PLPBP: variants seen among roughly 807,000 people sequenced by gnomAD.
PLPBP encodes the protein pyridoxal phosphate binding protein.
In PLPBP, 21 loss-of-function variants were observed where a neutral mutation model predicts 31.2. That is an observed-to-expected ratio of 0.67 (90% confidence interval 0.48 to 0.97). The LOEUF is 0.97. Among genes scored for constraint, PLPBP ranks in the 50% least tolerant of loss-of-function variants. The probability of loss-of-function intolerance (pLI) is 0.00; values close to 1 mark genes in which losing one functional copy is unlikely to be tolerated. For missense variants in PLPBP, 308 were observed against 354.4 expected (o/e 0.87, Z 1.05); for synonymous variants, 124 against 135.6 (o/e 0.91, Z 0.59).
intron 1 of PLPBP, among the ~76,000 whole-genome samples, chr8:37,763,672 C>T (rs1398798290): frequency 6.6e-6 from 1 of 152,174 alleles, no homozygotes; most frequent in Non-Finnish European, 1.5e-5. Context: ...CTCAGGGAAA[C>T]TCTCAGGCAG....
chr8:37,762,770 G>A lies in PLPBP; in HGVS notation c.99+12G>A, dbSNP rs367947107. The A allele has an allele frequency of 4.8e-5, 74 of 1,551,184 alleles. No individual in the cohort carries two copies. In the African/African-American group the frequency reaches 8.2e-4, roughly 17 times the overall value. On this transcript the variant is annotated intron_variant, in intron 1 of 7. Coordinates refer to ENST00000328195, the MANE Select transcript of PLPBP (RefSeq NM_007198.4). ...CGCGGCGGCCGCGGGTGAGGAAGGA[G>A]GCTGCGTGGGGACGGTGGGCGGCCG...
In PLPBP at chr8:37,764,452, G is replaced by T. The variant is rs182255696; in HGVS notation, c.100-1074G>T. Among the ~76,000 whole-genome samples, 115 of 152,294 alleles carry T rather than the reference G, an allele frequency of 7.6e-4. 5 individuals carry two copies. Among genetic ancestry groups the T allele is most frequent in the Admixed American group, 7.5e-3 (115 of 15,296 alleles). ...TTCTCCTGCCTTAGCTTCCCAAGTAGCTCGGATTACAGATGCCCACCACCA... is the reference window on the plus strand; with the variant it reads ...TTCTCCTGCCTTAGCTTCCCAAGTATCTCGGATTACAGATGCCCACCACCA... On this transcript the variant is annotated intron_variant, in intron 1 of 7. Transcript: ENST00000328195.
chr8:37,767,346 G>C (rs900739438), intron 4 of PLPBP, among the ~76,000 whole-genome samples: 2 of 152,102 alleles, frequency 1.3e-5, no homozygotes, highest in African/African-American at 4.8e-5. Context: ...TCTCTTACCT[G>C]TCCCACTTCT....
At chr8:37,765,811 C>A in intron 3 of PLPBP, 65 bp downstream of exon 3, 1 of 1,561,258 alleles carries the variant, frequency 6.4e-7, no homozygotes, top group South Asian at 1.2e-5. Flanking sequence ...AAAATTAGAC[C>A]CATCCTGGTG....
rs1327240038 is a variant in PLPBP, at chr8:37,779,600, ACAT to A, written c.*1500_*1502del. ...TTTGATTTTACAGGTAACTTTCAAA[ACAT>A]CATGATGCTGCCAAATGTACTTTTG... On this transcript the variant is annotated 3_prime_UTR_variant, in exon 8 of 8. Transcript: ENST00000328195. 2.0e-5 allele frequency: 3 copies of A among 152,680 alleles called. No individual in the cohort carries two copies. Among genetic ancestry groups the A allele is most frequent in the African/African-American group, 4.8e-5 (2 of 41,458 alleles). The allele number at this position is 152,680 out of a possible 1,614,324, so 9.5% of individuals were successfully genotyped here.
rs1383394512 is a variant in PLPBP at position 37,762,824 on chromosome 8, A to G, written c.99+66A>G. ...TGAGAAGAGGGACACCTGCGTGGGA[A>G]TGGGTCGTCACGGTGACGCAGAGGG... On this transcript the variant is annotated intron_variant, in intron 1 of 7. Coordinates refer to ENST00000328195, the MANE Select transcript of PLPBP (RefSeq NM_007198.4). The G allele has an allele frequency of 5.3e-6, 8 of 1,510,360 alleles. No individual in the cohort carries two copies. In the African/African-American group the frequency reaches 8.4e-5, roughly 16 times the overall value. 93.6% of individuals were successfully genotyped at this position (1,510,360 alleles called of 1,614,324 possible).
intron 7 of PLPBP, among the ~76,000 whole-genome samples, chr8:37,776,714 G>T (rs113673927): frequency 1.3e-5 from 2 of 152,068 alleles, no homozygotes; most frequent in Non-Finnish European, 2.9e-5. Context: ...ACGTAAGTGC[G>T]TGGGCATGGC....
chr8:37,775,248 C>T (rs548433720), intron 5 of PLPBP, 91 bp from the exon 6 acceptor site: 3 of 1,476,576 alleles, frequency 2.0e-6, no homozygotes, highest in Admixed American at 1.8e-5. Context: ...TTGGGGGTCA[C>T]CTCTTCTGTC....
chr8:37,767,046 C>CAA (rs377103424), intron 4 of PLPBP, among the ~76,000 whole-genome samples: 1,677 of 56,110 alleles, frequency 0.03, 5 homozygotes, highest in East Asian at 0.05. Context: ...GACTTCATCC[C>CAA]AAAAAAAAAA....
rs548417611 is a variant in PLPBP, at chr8:37,767,131, TC to T, written c.319+779del. 1.4e-4 allele frequency among the ~76,000 whole-genome samples: 22 copies of T among 152,178 alleles called. No homozygotes were observed. The East Asian group carries it at 4.0e-3, about 28-fold the overall frequency. ...GAGATCTTGAGTAACTGAACTTATT[TC>T]CCTTAAGGTATAAAAATTTAAATAA... On this transcript the variant is annotated intron_variant, in intron 4 of 7. Transcript: ENST00000328195.
chr8:37,774,758 G>T (rs1803858486), intron 5 of PLPBP, among the ~76,000 whole-genome samples: 1 of 152,188 alleles, frequency 6.6e-6, no homozygotes, highest in Non-Finnish European at 1.5e-5. Flanking sequence ...TTTAAAGACT[G>T]AAGTAAATGT....
chr8:37,763,984 G>A (rs1359238942), intron 1 of PLPBP, among the ~76,000 whole-genome samples: 1 of 151,446 alleles, frequency 6.6e-6, no homozygotes, highest in Non-Finnish European at 1.5e-5. Context: ...TTTGTATAGT[G>A]GTCGTGAGAG....
At position 37,762,732 on chromosome 8, in the gene PLPBP, C is replaced by G; in HGVS notation, c.73C>G (p.Gln25Glu). The change falls in exon 1 of 8, where the codon CAG (glutamine) becomes GAG (glutamate). Residue 25 changes from glutamine to glutamate, a missense_variant. Coordinates refer to ENST00000328195, the MANE Select transcript of PLPBP (RefSeq NM_007198.4). ...ATTGCGGGCGGTGAACGAGCGCGTG[C>G]AGCAGGCTGTGGCGCGGCGGCCGCG... ...CALRAVNERV[Q>E]QAVARRPRDL... is the part of the protein sequence containing the mutation. 6.3e-7 allele frequency: 1 copy of G among 1,584,346 alleles called. No homozygotes were observed. Among genetic ancestry groups the G allele is most frequent in the Non-Finnish European group, 8.5e-7 (1 of 1,170,706 alleles).
chr8:37,772,992 C>T (rs895187449), intron 5 of PLPBP, 103 bp downstream of exon 5: 21 of 1,460,522 alleles, frequency 1.4e-5, no homozygotes, highest in Non-Finnish European at 2.0e-5. Context: ...GTTATAGAAA[C>T]AAATCACAGG....
At chr8:37,773,537 CA>C (rs1803829325) in intron 5 of PLPBP, among the ~76,000 whole-genome samples, 1 of 149,580 alleles carries the variant, frequency 6.7e-6, no homozygotes, top group Non-Finnish European at 1.5e-5. Context: ...GGCACGATCT[CA>C]GCTCACTGCA....
chr8:37,768,465 CTTTTTTTTTTT>C (rs903134254), intron 4 of PLPBP, among the ~76,000 whole-genome samples: 10 of 76,830 alleles, frequency 1.3e-4, no homozygotes, highest in African/African-American at 4.2e-4. Context: ...TTTTGATTTT[CTTTTTTTTTTT>C]TTTTTTTTTT....
rs570960690 is a variant in PLPBP at position 37,775,329 on chromosome 8, T to C, written c.455-10T>C. Reference sequence around the variant, plus strand: ...TGCAGTATACCTGTTTTCTGTTTCTTTTCTTGAAGGTAAACATGGCCTTCC... The same window carrying C: ...TGCAGTATACCTGTTTTCTGTTTCTCTTCTTGAAGGTAAACATGGCCTTCC... On this transcript the variant is annotated splice_polypyrimidine_tract_variant and intron_variant, in intron 5 of 7. Transcript: ENST00000328195. 1.4e-4 allele frequency: 228 copies of C among 1,614,186 alleles called. 3 individuals are homozygous for C. The South Asian group carries it at 2.3e-3, about 16-fold the overall frequency.
Position 37,778,566 on chromosome 8 carries a change from A to C in PLPBP, c.*462A>C, listed in dbSNP as rs1387009726. 6.5e-6 allele frequency: 1 copy of C among 153,392 alleles called. No homozygotes were observed. The highest frequency in any genetic ancestry group is 1.5e-5 in the Non-Finnish European group (1 of 68,926). 9.5% of individuals were successfully genotyped at this position (153,392 alleles called of 1,614,324 possible). On this transcript the variant is annotated 3_prime_UTR_variant, in exon 8 of 8. Coordinates refer to ENST00000328195, the MANE Select transcript of PLPBP (RefSeq NM_007198.4). The stretch of plus-strand genomic sequence containing the variant: ...CTGGAATAAGGTGATTTCTGCCCCC[A>C]GATTCTTCCCTAGCCGGTAGATACG...
chr8:37,773,037 A>T (rs1279272298), intron 5 of PLPBP, 148 bp downstream of exon 5: 1 of 981,366 alleles, frequency 1.0e-6, no homozygotes, highest in African/African-American at 1.6e-5. Context: ...TTTATGTGTG[A>T]TCTAGGTAGC....
Sources: gnomAD v4.1 joint callset for allele counts (sites outside exome capture counted in the v4.1 genomes callset) on GRCh38, gnomAD v4.1.1 for gene constraint, MANE v1.5 for transcripts, NCBI Gene and HGNC (gene_info 2026-07-23, HGNC 2026-07-21) for gene names.